Variants in TENM4 observed in about 807,000 individuals in gnomAD.
TENM4 encodes teneurin-4.
TENM4 carries 82 observed loss-of-function variants against 243.3 expected under a neutral mutation model. The observed-to-expected ratio is 0.34, with a 90% CI of 0.28 to 0.40. TENM4 has a LOEUF of 0.40. TENM4 is among the 10% of genes least tolerant of loss of function. The probability of loss-of-function intolerance (pLI) is 1.00; values close to 1 mark genes in which losing one functional copy is unlikely to be tolerated. For missense variants in TENM4, 3,138 were observed against 3,673.3 expected, an observed-to-expected ratio of 0.85 and a Z score of 3.77; for synonymous variants, 1,412 against 1,456.3, an observed-to-expected ratio of 0.97 and a Z score of 0.69.
rs80028888 is a variant in TENM4 at position 79,297,121 on chromosome 11, G to T, written c.-265+367C>A. ...TAGTCCAGAGCTCTCTGTTCTTGAC[G>T]TACCAAACAGTTGGGTCTATTGAAG... On this transcript the variant is annotated intron_variant, in intron 2 of 33. Coordinates refer to ENST00000278550, the MANE Select transcript of TENM4 (RefSeq NM_001098816.3). Among the ~76,000 whole-genome samples the T allele has an allele frequency of 2.3e-4, 35 of 152,304 alleles. No individual in the cohort carries two copies. In the East Asian group the frequency reaches 5.8e-3, roughly 25 times the overall value.
At chr11:79,125,075 C>T (rs1268043250) in intron 4 of TENM4, among the ~76,000 whole-genome samples, 1 of 151,578 alleles carries the variant, frequency 6.6e-6, no homozygotes, top group Non-Finnish European at 1.5e-5. Context: ...TATGATTAGA[C>T]CCCAAAATGC....
intron 12 of TENM4, among the ~76,000 whole-genome samples, chr11:78,816,348 T>C (rs1361936571): frequency 2.0e-5 from 3 of 152,248 alleles, no homozygotes; most frequent in African/African-American, 7.2e-5. Flanking sequence ...CAGATCAACC[T>C]GGCTTTTAGT....
chr11:78,666,156 T>C (rs1338327774), intron 32 of TENM4, among the ~76,000 whole-genome samples: 2 of 152,228 alleles, frequency 1.3e-5, no homozygotes, highest in African/African-American at 4.8e-5. Context: ...TTGGTTCTTA[T>C]TCGTGATTGC....
chr11:79,117,276 G>A (rs1419777860), intron 4 of TENM4, among the ~76,000 whole-genome samples: 1 of 152,138 alleles, frequency 6.6e-6, no homozygotes, highest in African/African-American at 2.4e-5. Flanking sequence ...TAATGGCCGT[G>A]CTAGGAGGGA....
intron 3 of TENM4, among the ~76,000 whole-genome samples, chr11:79,201,089 C>T (rs762649260): frequency 2.6e-5 from 4 of 152,172 alleles, no homozygotes; most frequent in Non-Finnish European, 5.9e-5. Flanking sequence ...GACTCATGGA[C>T]ATTAGTAATT....
intron 6 of TENM4, among the ~76,000 whole-genome samples, chr11:78,947,897 T>G (rs1011687473): frequency 6.6e-6 from 1 of 152,156 alleles, no homozygotes; most frequent in Non-Finnish European, 1.5e-5. Flanking sequence ...CTGTAAAGGT[T>G]TGGAGGGGTT....
intron 12 of TENM4, among the ~76,000 whole-genome samples, chr11:78,836,163 G>C (rs554019501): frequency 8.5e-5 from 13 of 152,084 alleles, no homozygotes; most frequent in African/African-American, 3.1e-4. Flanking sequence ...TTCGAGAACA[G>C]CCTCACCAAC....
At chr11:78,666,171 C>G (rs552792589) in intron 32 of TENM4, among the ~76,000 whole-genome samples, 1 of 152,228 alleles carries the variant, frequency 6.6e-6, no homozygotes, top group East Asian at 1.9e-4. Context: ...GATTGCACAT[C>G]TTTTTAAATT....
At position 78,882,868 on chromosome 11, in the gene TENM4, A is replaced by AT. The variant is rs879260814; in HGVS notation, c.1084+6916dup. Among the ~76,000 whole-genome samples, 450 of 150,360 alleles carry AT rather than the reference A, an allele frequency of 3.0e-3. 3 individuals are homozygous for AT. The highest frequency in any genetic ancestry group is 0.017 in the Middle Eastern group (5 of 294). On this transcript the variant is annotated intron_variant, in intron 9 of 33. Transcript: ENST00000278550. Reference sequence around the variant, plus strand: ...ATCACCACTTCAAGCAAGGGTTCTGATTTTTTTTTTGTACTCCACAATCAG... The same window carrying AT: ...ATCACCACTTCAAGCAAGGGTTCTGATTTTTTTTTTTGTACTCCACAATCAG...
chr11:79,171,066 C>T (rs1428122377), intron 3 of TENM4, among the ~76,000 whole-genome samples: 1 of 152,118 alleles, frequency 6.6e-6, no homozygotes, highest in Non-Finnish European at 1.5e-5. Context: ...TTTCCCATTA[C>T]ATGAAGGACA....
intron 6 of TENM4, among the ~76,000 whole-genome samples, chr11:79,051,481 C>A (rs35692111): frequency 0.61 from 91,643 of 151,472 alleles, 32,804 homozygotes; most frequent in Non-Finnish European, 0.83. Context: ...AAATTACTGG[C>A]AGTCATTCAC....
At chr11:79,366,149 AC>A (rs1857672672) in intron 1 of TENM4, among the ~76,000 whole-genome samples, 1 of 151,836 alleles carries the variant, frequency 6.6e-6, no homozygotes, top group Non-Finnish European at 1.5e-5. Flanking sequence ...TTTCCACGAG[AC>A]CTCCCCACAA....
At chr11:78,895,737 G>A (rs1255289388) in intron 7 of TENM4, among the ~76,000 whole-genome samples, 2 of 152,106 alleles carry the variant, frequency 1.3e-5, no homozygotes, top group Admixed American at 1.3e-4. Context: ...CACACTGGTG[G>A]GTGCTATTAC....
chr11:79,313,408 C>T (rs1364103121), intron 1 of TENM4, among the ~76,000 whole-genome samples: 1 of 152,152 alleles, frequency 6.6e-6, no homozygotes, highest in East Asian at 1.9e-4. Flanking sequence ...ATGTCATGTT[C>T]TCCAAAAGGA....
intron 19 of TENM4, among the ~76,000 whole-genome samples, chr11:78,753,238 G>A (rs1565364218): frequency 6.6e-6 from 1 of 152,172 alleles, no homozygotes; most frequent in Non-Finnish European, 1.5e-5. Context: ...CCTGGGCCAG[G>A]TGCTTTATTT....
chr11:79,179,133 C>T (rs1863232129), intron 3 of TENM4, among the ~76,000 whole-genome samples: 1 of 152,196 alleles, frequency 6.6e-6, no homozygotes, highest in African/African-American at 2.4e-5. Flanking sequence ...ATATTTTGTA[C>T]ATTTTGGAAG....
intron 28 of TENM4, among the ~76,000 whole-genome samples, chr11:78,693,883 T>G (rs554485737): frequency 7.8e-4 from 118 of 152,156 alleles, no homozygotes; most frequent in African/African-American, 2.7e-3. Context: ...GCACGGTGGC[T>G]GGGTGCCTGT....
At chr11:79,272,373 AATG>A in intron 2 of TENM4, among the ~76,000 whole-genome samples, 1 of 152,238 alleles carries the variant, frequency 6.6e-6, no homozygotes, top group East Asian at 1.9e-4. Flanking sequence ...CAACAATTTT[AATG>A]ATGTTACATT....
chr11:78,720,844 G>C (rs916633138), intron 24 of TENM4, among the ~76,000 whole-genome samples: 1 of 152,072 alleles, frequency 6.6e-6, no homozygotes, highest in Non-Finnish European at 1.5e-5. Flanking sequence ...ATACAGAATT[G>C]GAGATAGACT....
Sources: allele counts gnomAD v4.1 joint callset (sites outside exome capture counted in the v4.1 genomes callset), GRCh38; gene constraint gnomAD v4.1.1; transcripts MANE v1.5; gene names NCBI Gene and HGNC (gene_info 2026-07-23, HGNC 2026-07-21).